Variants in TEC observed in about 807,000 individuals in gnomAD.
TEC encodes the protein tec protein tyrosine kinase.
TEC carries 72 observed loss-of-function variants against 93.0 expected under a neutral mutation model. That is an observed-to-expected ratio of 0.77 (90% CI 0.64 to 0.94). The LOEUF is 0.94. TEC is among the 40% of genes least tolerant of loss of function. TEC has a pLI of 0.00. For missense variants in TEC, 630 were observed against 757.9 expected (o/e 0.83, Z 1.98); for synonymous variants, 249 against 247.7 (o/e 1.01, Z -0.05).
At chr4:48,217,598 T>C (rs75717929) in intron 2 of TEC, among the ~76,000 whole-genome samples, 2,056 of 152,300 alleles carry the variant, frequency 0.013, 53 homozygotes, top group African/African-American at 0.047. Context: ...AGTCATGAGA[T>C]AGCTGGCATT....
intron 2 of TEC, among the ~76,000 whole-genome samples, chr4:48,215,915 C>A (rs1292636673): frequency 6.6e-6 from 1 of 152,140 alleles, no homozygotes; most frequent in Non-Finnish European, 1.5e-5. Context: ...CACTAGGTGA[C>A]CTGGAGCAAA....
At chr4:48,264,121 A>C (rs1332518643) in intron 1 of TEC, among the ~76,000 whole-genome samples, 1 of 152,226 alleles carries the variant, frequency 6.6e-6, no homozygotes, top group African/African-American at 2.4e-5. Flanking sequence ...GAGTGAAGAG[A>C]CAATAGCAAA....
intron 2 of TEC, among the ~76,000 whole-genome samples, chr4:48,179,359 TATATATATATA>T (rs1560393122): frequency 2.1e-4 from 9 of 42,336 alleles, no homozygotes; most frequent in Non-Finnish European, 4.5e-4. Context: ...TATATATATA[TATATATATATA>T]TATATATTTT....
At chr4:48,215,413 AG>A (rs1416142345) in intron 2 of TEC, among the ~76,000 whole-genome samples, 1 of 152,232 alleles carries the variant, frequency 6.6e-6, no homozygotes, top group African/African-American at 2.4e-5. Flanking sequence ...AGGCTGAGGC[AG>A]GAAAATCACT....
intron 3 of TEC, among the ~76,000 whole-genome samples, chr4:48,175,580 AG>A (rs1721291652): frequency 2.0e-5 from 3 of 152,108 alleles, no homozygotes; most frequent in Admixed American, 6.6e-5. Flanking sequence ...TCTTCTGGAG[AG>A]GAGATGCGCG....
chr4:48,246,242 G>T (rs1000188265), intron 1 of TEC, among the ~76,000 whole-genome samples: 4 of 151,964 alleles, frequency 2.6e-5, no homozygotes, highest in African/African-American at 9.7e-5. Flanking sequence ...TTTTTGCACG[G>T]CAAACTACAA....
At chr4:48,165,161 G>A (rs554074711) in intron 7 of TEC, among the ~76,000 whole-genome samples, 3 of 152,236 alleles carry the variant, frequency 2.0e-5, no homozygotes, top group Admixed American at 6.5e-5. Flanking sequence ...AGCCACCATC[G>A]ACCTAATTTG....
chr4:48,166,021 G>C (rs1720860473), intron 7 of TEC, among the ~76,000 whole-genome samples: 1 of 152,156 alleles, frequency 6.6e-6, no homozygotes, highest in Admixed American at 6.6e-5. Flanking sequence ...AGAACACCCT[G>C]CTCATTTCCA....
intron 5 of TEC, 73 bp from the exon 6 acceptor site, chr4:48,168,699 T>C: frequency 3.9e-6 from 6 of 1,522,098 alleles, no homozygotes; most frequent in Non-Finnish European, 5.4e-6. Context: ...ATATGGGTAG[T>C]TTTAAGGAAA....
intron 1 of TEC, among the ~76,000 whole-genome samples, chr4:48,258,951 C>T (rs927335040): frequency 6.6e-6 from 1 of 152,210 alleles, no homozygotes. Flanking sequence ...AGATTTCATT[C>T]ATTCCACAAA....
At chr4:48,190,125 G>C (rs1316090822) in intron 2 of TEC, among the ~76,000 whole-genome samples, 1 of 152,150 alleles carries the variant, frequency 6.6e-6, no homozygotes, top group Non-Finnish European at 1.5e-5. Context: ...TACTTTTCCT[G>C]CAATTCTAGT....
intron 1 of TEC, among the ~76,000 whole-genome samples, chr4:48,229,446 G>A (rs1271389407): frequency 6.6e-6 from 1 of 152,234 alleles, no homozygotes; most frequent in Non-Finnish European, 1.5e-5. Context: ...TTTGAGACAA[G>A]TTGAATTAAC....
At chr4:48,195,100 A>C (rs1201230434) in intron 2 of TEC, among the ~76,000 whole-genome samples, 1 of 152,214 alleles carries the variant, frequency 6.6e-6, no homozygotes, top group Non-Finnish European at 1.5e-5. Context: ...TCTGCAGATG[A>C]ATACTGAACC....
At chr4:48,230,539 T>C (rs183908483) in intron 1 of TEC, among the ~76,000 whole-genome samples, 36 of 152,322 alleles carry the variant, frequency 2.4e-4, no homozygotes, top group Middle Eastern at 3.4e-3. Flanking sequence ...GGTCTTCATT[T>C]CCTCAAGTTC....
chr4:48,253,966 TA>T (rs1324882922), intron 1 of TEC, among the ~76,000 whole-genome samples: 1 of 152,194 alleles, frequency 6.6e-6, no homozygotes, highest in African/African-American at 2.4e-5. Context: ...GGTCTTTTCA[TA>T]TCCCCATGTA....
In TEC at chr4:48,138,695, C is replaced by T. The variant is rs1382690835; in HGVS notation, c.1782G>A (p.Val594=). 5 of 1,613,804 alleles carry T rather than the reference C, an allele frequency of 3.1e-6. No homozygotes were observed. In the South Asian group the frequency reaches 5.5e-5, roughly 18 times the overall value. Residue 594 remains valine (V), a synonymous_variant, in exon 17 of 18, where the codon GTG becomes GTA. Coordinates refer to ENST00000381501, the MANE Select transcript of TEC (RefSeq NM_003215.3). ...LYQPKLASNY[V]YEVMLRCWQE... ...GCCAACATCTCAGCATCACCTCATA[C>T]ACATAGTTGGACGCCAACTTCGGCT...
chr4:48,221,523 G>T (rs1451380588), intron 2 of TEC, among the ~76,000 whole-genome samples: 2 of 152,114 alleles, frequency 1.3e-5, no homozygotes, highest in African/African-American at 4.8e-5. Context: ...TCTTTTCTTT[G>T]TAAATTACCC....
chr4:48,237,383 A>G (rs1243794585), intron 1 of TEC, among the ~76,000 whole-genome samples: 1 of 152,162 alleles, frequency 6.6e-6, no homozygotes, highest in Non-Finnish European at 1.5e-5. Flanking sequence ...TGACTAGAAC[A>G]GCCTATCCTA....
At chr4:48,233,919 G>T (rs536449754) in intron 1 of TEC, among the ~76,000 whole-genome samples, 4 of 151,114 alleles carry the variant, frequency 2.6e-5, no homozygotes, top group African/African-American at 9.7e-5. Context: ...AGAAAGCAAA[G>T]AAAACAGAAT....
Sources: gnomAD v4.1 joint callset for allele counts (sites outside exome capture counted in the v4.1 genomes callset) on GRCh38, gnomAD v4.1.1 for gene constraint, MANE v1.5 for transcripts, NCBI Gene and HGNC (gene_info 2026-07-23, HGNC 2026-07-21) for gene names.